Variants in AHI1 observed in about 807,000 individuals in gnomAD.
AHI1 encodes jouberin.
A neutral mutation model predicts 149.3 loss-of-function variants in AHI1; 123 were observed. The ratio of observed to expected loss-of-function variants is 0.82; its 90% CI spans 0.71 to 0.96. The LOEUF is 0.96. AHI1 is among the 40% of genes least tolerant of loss of function. The pLI is 0.00. For missense variants in AHI1, 1,439 were observed against 1,422.7 expected (o/e 1.01, Z -0.18); for synonymous variants, 475 against 459.8 (o/e 1.03, Z -0.42).
chr6:135,400,247 G>C (rs531547522), intron 22 of AHI1, among the ~76,000 whole-genome samples: 1 of 151,924 alleles, frequency 6.6e-6, no homozygotes, highest in East Asian at 1.9e-4. Flanking sequence ...CCAAATATAC[G>C]TTTTAAACAG....
intron 24 of AHI1, among the ~76,000 whole-genome samples, chr6:135,338,095 C>T (rs1398400207): frequency 6.6e-6 from 1 of 151,856 alleles, no homozygotes; most frequent in African/African-American, 2.4e-5. Context: ...GTCAGGAGTT[C>T]GAGACCAGCC....
chr6:135,409,931 A>C (rs1781345901), intron 21 of AHI1, among the ~76,000 whole-genome samples: 1 of 152,160 alleles, frequency 6.6e-6, no homozygotes. Flanking sequence ...AACTATATGC[A>C]CAATCTATCT....
At chr6:135,398,368 T>C (rs944017840) in intron 22 of AHI1, among the ~76,000 whole-genome samples, 1 of 152,078 alleles carries the variant, frequency 6.6e-6, no homozygotes, top group African/African-American at 2.4e-5. Flanking sequence ...AAGACAACAC[T>C]GTAACTGTTA....
chr6:135,298,754 A>G (rs1353240309), intron 27 of AHI1, among the ~76,000 whole-genome samples: 1 of 152,172 alleles, frequency 6.6e-6, no homozygotes, highest in Non-Finnish European at 1.5e-5. Flanking sequence ...AGCTATACTG[A>G]CATCCTTTAG....
Position 135,427,300 on chromosome 6 carries a change from T to C in AHI1, c.2631A>G (p.Gln877=), listed in dbSNP as rs1200373328. 1.2e-6 allele frequency: 2 copies of C among 1,608,418 alleles called. No homozygotes were observed. The highest frequency in any genetic ancestry group is 1.1e-5 in the South Asian group (1 of 90,466). Residue 877 remains glutamine, a synonymous_variant, in exon 20 of 29, where the codon CAA becomes CAG. Transcript: ENST00000265602. ...ATGGCAAGTCAGAATACATGGCTAC[T>C]TGTTCTCCTAAATAAAAAGAGAGAT... ...VYVWNPETGE[Q]VAMYSDLPFK... is the part of the protein sequence containing the mutation.
rs565306555 is a variant in AHI1 at position 135,375,326 on chromosome 6, G to A, written c.3110-17139C>T. On this transcript the variant is annotated intron_variant, in intron 23 of 28. Transcript: ENST00000265602. The stretch of plus-strand genomic sequence containing the variant: ...GAGGGGAAAAAAACGAGCAACCACT[G>A]GAAATAAACACTACTCAATATTAGT... 2.6e-5 allele frequency among the ~76,000 whole-genome samples: 4 copies of A among 151,960 alleles called. No individual in the cohort carries two copies. In the East Asian group the frequency reaches 7.7e-4, roughly 29 times the overall value.
intron 23 of AHI1, among the ~76,000 whole-genome samples, chr6:135,366,260 G>A (rs541056529): frequency 2.7e-5 from 4 of 150,602 alleles, no homozygotes; most frequent in Middle Eastern, 3.4e-3. Context: ...TTTTTGTTAC[G>A]TCCTTTCCTG....
chr6:135,332,708 A>G (rs1788786024), intron 24 of AHI1, among the ~76,000 whole-genome samples: 1 of 152,222 alleles, frequency 6.6e-6, no homozygotes, highest in African/African-American at 2.4e-5. Flanking sequence ...CCTCTGTTTT[A>G]ATCTTGACAA....
intron 22 of AHI1, among the ~76,000 whole-genome samples, chr6:135,403,213 G>A (rs1780271911): frequency 6.6e-6 from 1 of 152,218 alleles, no homozygotes; most frequent in Non-Finnish European, 1.5e-5. Context: ...CAGGGGTGAT[G>A]AAAAACTCTA....
At chr6:135,299,046 A>G (rs1015876597) in intron 27 of AHI1, among the ~76,000 whole-genome samples, 1 of 152,090 alleles carries the variant, frequency 6.6e-6, no homozygotes, top group East Asian at 1.9e-4. Context: ...GTTGTTGAGT[A>G]TACGCTCCTT....
intron 20 of AHI1, among the ~76,000 whole-genome samples, chr6:135,413,478 GA>G (rs199726208): frequency 3.9e-4 from 55 of 141,820 alleles, no homozygotes; most frequent in South Asian, 4.5e-4. Context: ...CTGTATAAAA[GA>G]AAAAAAAAAA....
At position 135,455,808 on chromosome 6, in the gene AHI1, T is replaced by C. The variant is rs562905902; in HGVS notation, c.1270A>G (p.Ile424Val). 1.5e-4 allele frequency: 235 copies of C among 1,601,898 alleles called. 5 individuals are homozygous for C. In the South Asian group the frequency reaches 2.5e-3, roughly 17 times the overall value. Residue 424 changes from isoleucine to valine, a missense_variant, in exon 10 of 29, where the codon ATT becomes GTT. Coordinates refer to ENST00000265602, the MANE Select transcript of AHI1 (RefSeq NM_001134831.2). ...TAGGGAAAATTTTCATTAAATACAA[T>C]TTGTTCTTCCCACTCTGGAAGTCTT... ...KSRLPEWEEQ[I>V]VFNENFPYLL...
chr6:135,358,208 G>A, intron 23 of AHI1, 21 bp from the exon 24 acceptor site: 1 of 1,579,458 alleles, frequency 6.3e-7, no homozygotes, highest in African/African-American at 1.8e-5. Flanking sequence ...AAAACATTGT[G>A]AGTATTTGGT....
chr6:135,330,739 A>C (rs1788454753), intron 24 of AHI1, among the ~76,000 whole-genome samples: 1 of 152,214 alleles, frequency 6.6e-6, no homozygotes. Context: ...TTCCCTTAAC[A>C]CACTGAAGGA....
intron 3 of AHI1, 95 bp downstream of exon 3, chr6:135,495,718 GA>G (rs1305509876): frequency 6.6e-6 from 1 of 152,228 alleles, no homozygotes; most frequent in Admixed American, 6.5e-5. Context: ...CACTATGAAA[GA>G]AAAGAGAGGA....
intron 23 of AHI1, among the ~76,000 whole-genome samples, chr6:135,378,609 A>C (rs1439901990): frequency 6.6e-6 from 1 of 152,218 alleles, no homozygotes; most frequent in South Asian, 2.1e-4. Flanking sequence ...TCAATCCTTA[A>C]AATATAATTT....
intron 22 of AHI1, among the ~76,000 whole-genome samples, chr6:135,404,414 AT>A (rs1330224506): frequency 6.6e-6 from 1 of 152,212 alleles, no homozygotes; most frequent in Non-Finnish European, 1.5e-5. Flanking sequence ...CTCAACCTGA[AT>A]AAACTTCAGT....
At chr6:135,373,494 T>G (rs1463134188) in intron 23 of AHI1, among the ~76,000 whole-genome samples, 2 of 152,220 alleles carry the variant, frequency 1.3e-5, no homozygotes, top group Non-Finnish European at 2.9e-5. Flanking sequence ...ACTTAAACAT[T>G]TCCCTAATTT....
At chr6:135,347,101 G>A (rs1791351005) in intron 24 of AHI1, among the ~76,000 whole-genome samples, 1 of 152,182 alleles carries the variant, frequency 6.6e-6, no homozygotes, top group African/African-American at 2.4e-5. Flanking sequence ...TTAGAAATTG[G>A]CTTTCTTAGA....
Sources: gnomAD v4.1 joint callset for allele counts (sites outside exome capture counted in the v4.1 genomes callset) on GRCh38, gnomAD v4.1.1 for gene constraint, MANE v1.5 for transcripts, NCBI Gene and HGNC (gene_info 2026-07-23, HGNC 2026-07-21) for gene names.